The following DGAT2L6 variants were observed in gnomAD, a reference collection of about 807,000 sequenced individuals.
The protein encoded by DGAT2L6 is diacylglycerol O-acyltransferase 2-like protein 6.
In DGAT2L6, 22 loss-of-function variants were observed where a neutral mutation model predicts 25.5. The ratio of observed to expected loss-of-function variants is 0.86; its 90% CI spans 0.62 to 1.23. The LOEUF (loss-of-function observed/expected upper bound fraction) is 1.23. Among genes scored for constraint, DGAT2L6 ranks in the 50% most tolerant of loss-of-function variants. DGAT2L6 has a pLI of 0.00. For synonymous variants in DGAT2L6, 100 were observed against 94.7 expected, an observed-to-expected ratio of 1.06 and a Z score of -0.32; for missense variants, 287 against 253.2, an observed-to-expected ratio of 1.13 and a Z score of -0.91.
intron 4 of DGAT2L6, among the ~76,000 whole-genome samples, chrX:70,201,027 C>A (rs980975004): frequency 3.6e-5 from 4 of 112,172 alleles, no homozygotes; most frequent in Non-Finnish European, 5.6e-5. Context: ...AACAACTTCC[C>A]CATGCTCAGC....
In DGAT2L6 at chrX:70,205,125, T is replaced by C. The variant is rs1430252511; in HGVS notation, c.*19T>C. Reference sequence around the variant, plus strand: ...TACATAACAGGAGCCACATTCCCCATTGATCAACCCCCAAAGCCATGAGGG... The same window carrying C: ...TACATAACAGGAGCCACATTCCCCACTGATCAACCCCCAAAGCCATGAGGG... On this transcript the variant is annotated 3_prime_UTR_variant, in exon 7 of 7. Transcript: ENST00000333026. 6.0e-6 allele frequency: 7 copies of C among 1,172,683 alleles called. No individual in the cohort carries two copies. The highest frequency in any genetic ancestry group is 8.0e-6 in the Non-Finnish European group (7 of 879,235).
Position 70,205,038 on chromosome X carries a change from C to A in DGAT2L6, c.946C>A (p.Arg316Ser), listed in dbSNP as rs149063119. The A allele has an allele frequency of 1.7e-5, 20 of 1,204,961 alleles. No individual in the cohort carries two copies. Among genetic ancestry groups the A allele is most frequent in the Non-Finnish European group, 2.2e-5 (20 of 893,277 alleles). The change falls in exon 7 of 7, where the codon CGC (arginine) becomes AGC (serine). Residue 316 changes from arginine to serine, a missense_variant. Physicochemically the swap from Arg to Ser is moderately radical, Grantham distance 110. Coordinates refer to ENST00000333026, the MANE Select transcript of DGAT2L6 (RefSeq NM_198512.3). ...KYHALYISAL[R>S]KLFDQHKVEY... Reference sequence around the variant, plus strand: ...TCACGCACTCTACATCAGTGCCCTGCGCAAGCTCTTTGACCAACACAAAGT... The same window carrying A: ...TCACGCACTCTACATCAGTGCCCTGAGCAAGCTCTTTGACCAACACAAAGT...
intron 1 of DGAT2L6, among the ~76,000 whole-genome samples, chrX:70,180,091 G>A (rs1373118850): frequency 9.0e-6 from 1 of 110,852 alleles, no homozygotes; most frequent in African/African-American, 3.3e-5. Flanking sequence ...ACGGTTTCTA[G>A]TTGTCCCAGA....
chrX:70,184,543 C>A (rs759363052), intron 1 of DGAT2L6, among the ~76,000 whole-genome samples: 1 of 110,158 alleles, frequency 9.1e-6, no homozygotes, highest in East Asian at 2.9e-4. Context: ...TAACTCACTG[C>A]AGCCTCGAAC....
At chrX:70,192,596 G>A (rs2085378669) in intron 1 of DGAT2L6, among the ~76,000 whole-genome samples, 1 of 111,618 alleles carries the variant, frequency 9.0e-6, no homozygotes, top group Non-Finnish European at 1.9e-5. Flanking sequence ...GTATCTTGAG[G>A]CAAATGAAAA....
rs1305548673 is a variant in DGAT2L6 at position 70,204,353 on chromosome X, T to A, written c.696T>A (p.Asn232Lys). The change falls in exon 6 of 7, where the codon AAT becomes AAA. Residue 232 changes from asparagine (N) to lysine (K), a missense_variant. By Grantham distance (94) the Asn-to-Lys change is moderately conservative (BLOSUM62 0). Transcript: ENST00000333026. Reference sequence around the variant, plus strand: ...CCTTTGGTGAGAACGAAGTTTTCAATCAGGAGACCTTCCCTGAGGGCACGT... The same window carrying A: ...CCTTTGGTGAGAACGAAGTTTTCAAACAGGAGACCTTCCCTGAGGGCACGT... ...SYSFGENEVFNQETFPEGTWL... is the reference protein window; with the variant it reads ...SYSFGENEVFKQETFPEGTWL... The A allele has an allele frequency of 4.1e-6, 5 of 1,210,604 alleles. No individual in the cohort carries two copies. Among genetic ancestry groups the A allele is most frequent in the Non-Finnish European group, 4.5e-6 (4 of 895,028 alleles).
chrX:70,204,460 G>A lies in DGAT2L6; in HGVS notation c.803G>A (p.Gly268Asp). 1 of 1,211,382 alleles carries A rather than the reference G, an allele frequency of 8.3e-7. No homozygotes were observed. Among genetic ancestry groups the A allele is most frequent in the Non-Finnish European group, 1.1e-6 (1 of 895,506 alleles). ...AATTTCTGTACCTTCCATGGCCGGG[G>A]CTTCACTCGCGGATCCTGGGGCTTC... ...GLNFCTFHGR[G>D]FTRGSWGFLP... Residue 268 changes from glycine to aspartate, a missense_variant, in exon 6 of 7, where the codon GGC (glycine) becomes GAC (aspartate). Gly to Asp is a moderately conservative substitution (Grantham distance 94). Coordinates refer to ENST00000333026, the MANE Select transcript of DGAT2L6 (RefSeq NM_198512.3).
At position 70,205,181 on chromosome X, in the gene DGAT2L6, T is replaced by C; in HGVS notation, c.*75T>C. The C allele has an allele frequency of 9.7e-7, 1 of 1,028,629 alleles. No individual in the cohort carries two copies. Among genetic ancestry groups the C allele is most frequent in the Non-Finnish European group, 1.3e-6 (1 of 787,178 alleles). 84.8% of individuals were successfully genotyped at this position (1,028,629 alleles called of 1,213,427 possible). A position where few individuals can be genotyped will look rare whatever the true frequency, so the allele number is the denominator to read the frequency against. The stretch of plus-strand genomic sequence containing the variant: ...AGTAGAGCCACAGAAAAAGAAGAAT[T>C]CCAGGAGAGGGAAAGATCGTAAGGA... On this transcript the variant is annotated 3_prime_UTR_variant, in exon 7 of 7. Coordinates refer to ENST00000333026, the MANE Select transcript of DGAT2L6 (RefSeq NM_198512.3).
intron 1 of DGAT2L6, among the ~76,000 whole-genome samples, chrX:70,183,462 C>T (rs1460330185): frequency 8.9e-6 from 1 of 111,987 alleles, no homozygotes; most frequent in African/African-American, 3.2e-5. Flanking sequence ...AAGACTATAT[C>T]GCCTCTGAAA....
chrX:70,179,152 C>A (rs1338488216), intron 1 of DGAT2L6, among the ~76,000 whole-genome samples: 1 of 112,243 alleles, frequency 8.9e-6, no homozygotes. Flanking sequence ...GAGGGGTCCA[C>A]AGCCTTCTCA....
intron 1 of DGAT2L6, among the ~76,000 whole-genome samples, chrX:70,178,835 G>A (rs1194144001): frequency 8.9e-6 from 1 of 112,340 alleles, no homozygotes; most frequent in Non-Finnish European, 1.9e-5. Context: ...AGTGTTAGGA[G>A]TACCTGTGAG....
chrX:70,200,237 T>C lies in DGAT2L6; in HGVS notation c.268-18T>C. 1 of 1,204,171 alleles carries C rather than the reference T, an allele frequency of 8.3e-7. No homozygotes were observed. The highest frequency in any genetic ancestry group is 1.1e-6 in the Non-Finnish European group (1 of 888,712). ...CCTTCTTTGTAGCCAATGCTCTGAC[T>C]CAATTTCCCTCTAACAGCTGGTGAA... is the stretch of plus-strand genomic sequence containing the variant. On this transcript the variant is annotated intron_variant, in intron 3 of 6. Transcript: ENST00000333026.
chrX:70,190,932 G>A (rs1569428536), intron 1 of DGAT2L6, among the ~76,000 whole-genome samples: 1 of 112,096 alleles, frequency 8.9e-6, no homozygotes, highest in South Asian at 3.7e-4. Context: ...TAGACCTTGA[G>A]GCAGTTCTAT....
chrX:70,201,890 G>C lies in DGAT2L6; in HGVS notation c.473G>C (p.Gly158Ala), dbSNP rs1482522772. 7 of 1,180,963 alleles carry C rather than the reference G, an allele frequency of 5.9e-6. No individual in the cohort carries two copies. In the African/African-American group the frequency reaches 1.3e-4, roughly 21 times the overall value. The change falls in exon 5 of 7, where the codon GGT becomes GCT. Residue 158 changes from glycine to alanine, a missense_variant and splice_region_variant. Transcript: ENST00000333026. ...PIVREYVMSM[G>A]VCPVSSSALK... ...ACCACTTGACTCTTTGGTTTCACAG[G>C]TGTGTGCCCTGTGAGTAGCTCAGCC...
In DGAT2L6 at chrX:70,199,382, G is replaced by T; in HGVS notation, c.196+1G>T. 1 of 1,136,009 alleles carries T rather than the reference G, an allele frequency of 8.8e-7. No homozygotes were observed. The highest frequency in any genetic ancestry group is 1.2e-6 in the Non-Finnish European group (1 of 845,298). 93.6% of individuals were successfully genotyped at this position (1,136,009 alleles called of 1,213,427 possible). Reference sequence around the variant, plus strand: ...TATGATTGGAACACCCACAGTCAAGGTAAGAGACAGGGGCACAATGGTGGT... The same window carrying T: ...TATGATTGGAACACCCACAGTCAAGTTAAGAGACAGGGGCACAATGGTGGT... On this transcript the variant is annotated splice_donor_variant, in intron 2 of 6. Coordinates refer to ENST00000333026, the MANE Select transcript of DGAT2L6 (RefSeq NM_198512.3). LOFTEE classifies it high-confidence loss of function.
intron 1 of DGAT2L6, among the ~76,000 whole-genome samples, chrX:70,182,936 G>T (rs1002003682): frequency 1.8e-5 from 2 of 111,955 alleles, no homozygotes; most frequent in African/African-American, 6.5e-5. Context: ...GATTACAGGC[G>T]TGAGCCACCG....
intron 1 of DGAT2L6, among the ~76,000 whole-genome samples, chrX:70,187,982 C>T (rs973375650): frequency 9.0e-6 from 1 of 111,718 alleles, no homozygotes; most frequent in Admixed American, 9.5e-5. Flanking sequence ...GGTCCTCATC[C>T]ACAAAATGAT....
chrX:70,203,082 T>C, intron 5 of DGAT2L6, among the ~76,000 whole-genome samples: 1 of 112,204 alleles, frequency 8.9e-6, no homozygotes, highest in Middle Eastern at 4.6e-3. Context: ...CATTCCTTTA[T>C]CTCCTTCAAG....
chrX:70,183,292 A>G (rs62605177), intron 1 of DGAT2L6, among the ~76,000 whole-genome samples: 18,237 of 111,443 alleles, frequency 0.16, 1,273 homozygotes, highest in South Asian at 0.32. Flanking sequence ...AACAAACAGG[A>G]AATGTACTCT....
Sources: allele counts gnomAD v4.1 joint callset (sites outside exome capture counted in the v4.1 genomes callset), GRCh38; gene constraint gnomAD v4.1.1; transcripts MANE v1.5; gene names NCBI Gene and HGNC (gene_info 2026-07-23, HGNC 2026-07-21).